The following SUMF1 variants were observed in gnomAD, a reference collection of about 807,000 sequenced individuals.
SUMF1 encodes formylglycine-generating enzyme.
In SUMF1, 48 loss-of-function variants were observed where a neutral mutation model predicts 47.6. That is an observed-to-expected ratio of 1.01 (90% CI 0.80 to 1.28). SUMF1 has a LOEUF of 1.28. Ranked by LOEUF, SUMF1 falls within the 50% of genes most tolerant of loss-of-function variation. The probability of loss-of-function intolerance (pLI) is 0.00; values close to 1 mark genes in which losing one functional copy is unlikely to be tolerated. For synonymous variants in SUMF1, 230 were observed against 192.1 expected, an observed-to-expected ratio of 1.20 and a Z score of -1.63; for missense variants, 571 against 485.4, an observed-to-expected ratio of 1.18 and a Z score of -1.66.
At chr3:4,381,316 A>G (rs902257388) in intron 7 of SUMF1, among the ~76,000 whole-genome samples, 8 of 152,146 alleles carry the variant, frequency 5.3e-5, no homozygotes, top group African/African-American at 1.2e-4. Context: ...GAATGACACA[A>G]TGGACTTTGG....
chr3:4,434,473 G>A (rs925002672), intron 3 of SUMF1, among the ~76,000 whole-genome samples: 2 of 152,098 alleles, frequency 1.3e-5, no homozygotes, highest in African/African-American at 4.8e-5. Context: ...TCTTATAAAT[G>A]CGCAACAGTA....
intron 8 of SUMF1, among the ~76,000 whole-genome samples, chr3:4,224,161 G>T (rs1407876780): frequency 6.6e-6 from 1 of 152,098 alleles, no homozygotes; most frequent in African/African-American, 2.4e-5. Flanking sequence ...ATTCCTATGA[G>T]CAGAGCCCAG....
intron 8 of SUMF1, among the ~76,000 whole-genome samples, chr3:4,208,819 CAACCAAAGAGGA>C (rs1453168652): frequency 1.2e-4 from 18 of 151,908 alleles, no homozygotes; most frequent in African/African-American, 4.1e-4. Context: ...TGCTGGACAA[CAACCAAAGAGGA>C]AACCAAAGAG....
chr3:4,465,848 T>A (rs1182605347), intron 1 of SUMF1, among the ~76,000 whole-genome samples: 1 of 152,138 alleles, frequency 6.6e-6, no homozygotes, highest in Admixed American at 6.5e-5. Context: ...TGAGGCAGGA[T>A]ACGGAAATAT....
At chr3:4,156,640 G>A (rs1351656329) in intron 8 of SUMF1, among the ~76,000 whole-genome samples, 2 of 151,524 alleles carry the variant, frequency 1.3e-5, no homozygotes, top group Non-Finnish European at 2.9e-5. Flanking sequence ...CTATATTTAA[G>A]TCATATATCC....
rs1249741489 is a variant in SUMF1, at chr3:4,420,079, G to C, written c.587C>G (p.Ser196Cys). Residue 196 changes from serine to cysteine, a missense_variant, in exon 4 of 9, where the codon TCT (serine) becomes TGT (cysteine). Ser to Cys is a moderately radical substitution (Grantham distance 112). Transcript: ENST00000272902. ...CCAGCCTCACCTGTGCAGAATAGTA[G>C]AGTCAGGCCCTTCTGGGTGTCTCCA... ...ANWRHPEGPD[S>C]TILHRPDHPV... The C allele has an allele frequency of 8.1e-6, 13 of 1,613,986 alleles. No homozygotes were observed. The highest frequency in any genetic ancestry group is 4.0e-5 in the African/African-American group (3 of 74,916).
At chr3:4,254,322 G>A (rs1309921412) in intron 8 of SUMF1, among the ~76,000 whole-genome samples, 2 of 151,270 alleles carry the variant, frequency 1.3e-5, no homozygotes, top group South Asian at 2.1e-4. Flanking sequence ...TCTGAGCTAT[G>A]GGAGGACATT....
At chr3:4,416,037 T>C (rs1239980480) in intron 6 of SUMF1, among the ~76,000 whole-genome samples, 1 of 152,154 alleles carries the variant, frequency 6.6e-6, no homozygotes, top group East Asian at 1.9e-4. Flanking sequence ...AGTATTTTCT[T>C]ACAGTAGCAC....
At chr3:4,413,889 A>G (rs377056184) in intron 6 of SUMF1, among the ~76,000 whole-genome samples, 91 of 152,100 alleles carry the variant, frequency 6.0e-4, no homozygotes, top group African/African-American at 2.1e-3. Context: ...TTTAAGATAG[A>G]GTCTCACTCT....
intron 1 of SUMF1, among the ~76,000 whole-genome samples, chr3:4,463,219 C>T (rs1324036485): frequency 1.3e-5 from 2 of 152,158 alleles, no homozygotes; most frequent in African/African-American, 4.8e-5. Flanking sequence ...GGGCTGGGCG[C>T]GGTGGCTCAC....
rs141812554 is a variant in SUMF1, at chr3:4,387,716, T to C, written c.955-11327A>G. ...CTTTTCTAATGCACACATGCAGTTC[T>C]GCAAATTTCCCTCTTAGCACTGTTT... On this transcript the variant is annotated intron_variant, in intron 7 of 8. Coordinates refer to ENST00000272902, the MANE Select transcript of SUMF1 (RefSeq NM_182760.4). 5.6e-3 allele frequency among the ~76,000 whole-genome samples: 854 copies of C among 152,168 alleles called. 6 individuals carry two copies. The highest frequency in any genetic ancestry group is 0.02 in the Middle Eastern group (6 of 294).
intron 8 of SUMF1, among the ~76,000 whole-genome samples, chr3:4,264,409 C>T (rs1363347765): frequency 1.3e-5 from 2 of 152,182 alleles, no homozygotes; most frequent in Non-Finnish European, 2.9e-5. Context: ...TCCTTTCTCA[C>T]CGTCAAGTAT....
intron 7 of SUMF1, among the ~76,000 whole-genome samples, chr3:4,398,067 G>A (rs1701093149): frequency 6.6e-6 from 1 of 152,096 alleles, no homozygotes; most frequent in Non-Finnish European, 1.5e-5. Context: ...CAGCTAGTAG[G>A]TGGCTGAGCT....
intron 8 of SUMF1, among the ~76,000 whole-genome samples, chr3:4,110,279 C>G (rs1426408552): frequency 1.3e-5 from 2 of 152,094 alleles, no homozygotes; most frequent in African/African-American, 2.4e-5. Context: ...GATCGTTCCT[C>G]TGGAAGTTTT....
At chr3:4,267,319 CCT>C (rs1170533710) in intron 8 of SUMF1, among the ~76,000 whole-genome samples, 1 of 152,130 alleles carries the variant, frequency 6.6e-6, no homozygotes, top group Non-Finnish European at 1.5e-5. Context: ...CCTCCCTGTA[CCT>C]CTGGTAGAAT....
chr3:4,283,121 A>G (rs1697561720), intron 8 of SUMF1, among the ~76,000 whole-genome samples: 1 of 152,192 alleles, frequency 6.6e-6, no homozygotes, highest in Admixed American at 6.5e-5. Context: ...TCTTAGAGAT[A>G]GAGAAATAGC....
chr3:4,308,472 C>A (rs1214428865), intron 8 of SUMF1, among the ~76,000 whole-genome samples: 2 of 152,166 alleles, frequency 1.3e-5, no homozygotes, highest in Non-Finnish European at 2.9e-5. Flanking sequence ...AAAGTAATAT[C>A]TAGAAGAATT....
chr3:4,449,469 C>A, intron 2 of SUMF1, 129 bp from the exon 3 acceptor site: 1 of 921,572 alleles, frequency 1.1e-6, no homozygotes, highest in Non-Finnish European at 1.8e-6. Context: ...CTTATGACTT[C>A]CCAGAGGACT....
chr3:4,304,034 T>C, intron 8 of SUMF1: 1 of 241,224 alleles, frequency 4.1e-6, no homozygotes, highest in Non-Finnish European at 8.3e-6. Flanking sequence ...AGTGGAACAG[T>C]ACCTCTCTTC....
Sources: allele counts gnomAD v4.1 joint callset (sites outside exome capture counted in the v4.1 genomes callset), GRCh38; gene constraint gnomAD v4.1.1; transcripts MANE v1.5; gene names NCBI Gene and HGNC (gene_info 2026-07-23, HGNC 2026-07-21).